The following CDH12 variants were observed in gnomAD, a reference collection of about 807,000 sequenced individuals.
CDH12 encodes the protein cadherin 12.
Under a neutral mutation model 74.1 loss-of-function variants are expected in CDH12, and 41 were observed. The ratio of observed to expected loss-of-function variants is 0.55; its 90% confidence interval spans 0.43 to 0.72. The LOEUF (loss-of-function observed/expected upper bound fraction) is 0.72, where lower values mean the gene tolerates loss of function less well. Ranked by LOEUF, CDH12 falls within the 30% of genes least tolerant of loss-of-function variation. CDH12 has a pLI of 0.00. For synonymous variants in CDH12, 399 were observed against 355.0 expected, an observed-to-expected ratio of 1.12 and a Z score of -1.39; for missense variants, 945 against 977.2, an observed-to-expected ratio of 0.97 and a Z score of 0.44.
In CDH12 at chr5:22,836,223, C is replaced by CTTTTTTT. The variant is rs61616737; in HGVS notation, c.-523+16828_-523+16834dup. ...TTTTTTTCTTTTTTTCTTTCTTTCT[C>CTTTTTTT]TTTTTTTTTTTTTTTTTTGAGACAG... is the stretch of plus-strand genomic sequence containing the variant. On this transcript the variant is annotated intron_variant, in intron 1 of 14. Transcript: ENST00000382254. Among the ~76,000 whole-genome samples the CTTTTTTT allele has an allele frequency of 6.0e-3, 394 of 65,456 alleles. 73 individuals carry two copies. Among genetic ancestry groups the CTTTTTTT allele is most frequent in the African/African-American group, 0.017 (271 of 16,060 alleles). The allele number at this position is 65,456 out of a possible 152,430, so 42.9% of individuals were successfully genotyped here.
chr5:22,089,363 G>C (rs28439320), intron 4 of CDH12, among the ~76,000 whole-genome samples: 2,708 of 152,006 alleles, frequency 0.018, 71 homozygotes, highest in African/African-American at 0.061. Context: ...TGGGATGGGG[G>C]GAAATCAGAG....
intron 1 of CDH12, among the ~76,000 whole-genome samples, chr5:22,803,949 A>G (rs1748657330): frequency 6.6e-6 from 1 of 152,134 alleles, no homozygotes; most frequent in Non-Finnish European, 1.5e-5. Flanking sequence ...TTAGAGCATT[A>G]TTTCAATTAC....
intron 1 of CDH12, among the ~76,000 whole-genome samples, chr5:22,836,637 C>T (rs746141003): frequency 6.6e-6 from 1 of 151,904 alleles, no homozygotes. Context: ...GCAAGAAAGC[C>T]GTGTAAACTA....
chr5:22,651,242 T>A (rs1421727461), intron 1 of CDH12, among the ~76,000 whole-genome samples: 1 of 152,172 alleles, frequency 6.6e-6, no homozygotes, highest in African/African-American at 2.4e-5. Flanking sequence ...CACACTTCTA[T>A]ATCCATTCTC....
intron 1 of CDH12, among the ~76,000 whole-genome samples, chr5:22,840,902 G>T (rs1264532678): frequency 6.6e-6 from 1 of 152,150 alleles, no homozygotes; most frequent in Non-Finnish European, 1.5e-5. Context: ...AGCTAGCAAA[G>T]GTGGGAGTAA....
chr5:22,148,887 G>A (rs1375681326), intron 4 of CDH12, among the ~76,000 whole-genome samples: 3 of 152,164 alleles, frequency 2.0e-5, no homozygotes, highest in Non-Finnish European at 4.4e-5. Flanking sequence ...TTGGGAGGCC[G>A]AGGCATGCGG....
intron 2 of CDH12, among the ~76,000 whole-genome samples, chr5:22,441,608 G>C (rs1744625619): frequency 6.6e-6 from 1 of 152,024 alleles, no homozygotes; most frequent in Admixed American, 6.6e-5. Flanking sequence ...TCAATGACTA[G>C]TAGATTAACT....
intron 6 of CDH12, among the ~76,000 whole-genome samples, chr5:21,968,855 A>C (rs2150116925): frequency 6.6e-6 from 1 of 152,248 alleles, no homozygotes; most frequent in Non-Finnish European, 1.5e-5. Flanking sequence ...GGAAGCCATT[A>C]TCCTTAGCAA....
At chr5:21,778,491 ACTT>A (rs1376783567) in intron 11 of CDH12, among the ~76,000 whole-genome samples, 2 of 128,510 alleles carry the variant, frequency 1.6e-5, no homozygotes, top group African/African-American at 5.4e-5. Context: ...AAAAAAAAAA[ACTT>A]CAGACGATTC....
At chr5:22,849,970 G>T (rs969870340) in intron 1 of CDH12, among the ~76,000 whole-genome samples, 1 of 151,972 alleles carries the variant, frequency 6.6e-6, no homozygotes. Flanking sequence ...TATAAGACTG[G>T]TAAACATATG....
At chr5:22,750,197 C>G (rs932678663) in intron 1 of CDH12, among the ~76,000 whole-genome samples, 2 of 151,920 alleles carry the variant, frequency 1.3e-5, no homozygotes, top group Non-Finnish European at 2.9e-5. Context: ...GGAAAGTGAA[C>G]AAAGAGAAAA....
intron 6 of CDH12, among the ~76,000 whole-genome samples, chr5:21,928,013 A>T (rs1754666596): frequency 6.6e-6 from 1 of 152,090 alleles, no homozygotes; most frequent in Non-Finnish European, 1.5e-5. Flanking sequence ...CGGAGCTTGC[A>T]ATGAGCCCAG....
At chr5:22,818,004 T>C (rs978909142) in intron 1 of CDH12, among the ~76,000 whole-genome samples, 29 of 152,160 alleles carry the variant, frequency 1.9e-4, no homozygotes, top group African/African-American at 7.0e-4. Context: ...GGAAGGGTTG[T>C]GTAGTGTGTG....
intron 2 of CDH12, among the ~76,000 whole-genome samples, chr5:22,462,045 A>G (rs1745546793): frequency 6.6e-6 from 1 of 152,176 alleles, no homozygotes. Flanking sequence ...TATAAGATAC[A>G]TCTATCAAAC....
intron 2 of CDH12, among the ~76,000 whole-genome samples, chr5:22,425,719 T>A (rs1362401260): frequency 2.0e-5 from 3 of 151,914 alleles, no homozygotes; most frequent in Non-Finnish European, 4.4e-5. Context: ...AAAATCAAAA[T>A]AAAAATTATT....
chr5:22,103,294 G>A (rs1392959570), intron 4 of CDH12, among the ~76,000 whole-genome samples: 1 of 151,752 alleles, frequency 6.6e-6, no homozygotes, highest in African/African-American at 2.4e-5. Context: ...CTTAGGAGTT[G>A]TGATGCTCTT....
At chr5:22,764,747 G>A (rs1338894450) in intron 1 of CDH12, among the ~76,000 whole-genome samples, 1 of 151,902 alleles carries the variant, frequency 6.6e-6, no homozygotes, top group Non-Finnish European at 1.5e-5. Flanking sequence ...GCATTCCTGC[G>A]CAAAATGACT....
chr5:22,535,849 C>T (rs1416368846), intron 1 of CDH12, among the ~76,000 whole-genome samples: 1 of 152,204 alleles, frequency 6.6e-6, no homozygotes, highest in Non-Finnish European at 1.5e-5. Context: ...ATGGGCTCTG[C>T]ATTCTTGGAT....
intron 6 of CDH12, among the ~76,000 whole-genome samples, chr5:21,867,747 T>C (rs915677685): frequency 3.9e-5 from 6 of 152,214 alleles, no homozygotes; most frequent in Admixed American, 2.6e-4. Flanking sequence ...TCTCAGATGA[T>C]ACTTTGGACT....
Sources: allele counts gnomAD v4.1 joint callset (sites outside exome capture counted in the v4.1 genomes callset), GRCh38; gene constraint gnomAD v4.1.1; transcripts MANE v1.5; gene names NCBI Gene and HGNC (gene_info 2026-07-23, HGNC 2026-07-21).